Variants in NRG3 observed in about 807,000 individuals in gnomAD.
The protein encoded by NRG3 is pro-neuregulin-3, membrane-bound isoform.
NRG3 carries 31 observed loss-of-function variants against 66.9 expected under a neutral mutation model. The ratio of observed to expected loss-of-function variants is 0.46; its 90% CI spans 0.35 to 0.63. The LOEUF is 0.63. NRG3 is among the 20% of genes least tolerant of loss of function. NRG3 has a pLI of 0.00. For missense variants in NRG3, 910 were observed against 878.9 expected (o/e 1.04, Z -0.45); for synonymous variants, 393 against 359.4 (o/e 1.09, Z -1.06).
chr10:82,564,444 G>C (rs542636665), intron 2 of NRG3, among the ~76,000 whole-genome samples: 24 of 152,236 alleles, frequency 1.6e-4, no homozygotes, highest in African/African-American at 5.3e-4. Flanking sequence ...GGAAAAGAAA[G>C]CATAGAAGGT....
intron 2 of NRG3, among the ~76,000 whole-genome samples, chr10:82,722,448 C>A (rs2057369883): frequency 6.6e-6 from 1 of 152,162 alleles, no homozygotes; most frequent in Non-Finnish European, 1.5e-5. Context: ...GAATGTGCAA[C>A]ATTTATTAAA....
At chr10:82,439,639 C>T (rs976162338) in intron 2 of NRG3, among the ~76,000 whole-genome samples, 3 of 151,854 alleles carry the variant, frequency 2.0e-5, no homozygotes, top group African/African-American at 7.3e-5. Context: ...TTAGTTAAAT[C>T]ATTAAAGCAA....
intron 6 of NRG3, among the ~76,000 whole-genome samples, chr10:82,961,809 C>G (rs1471655930): frequency 6.6e-6 from 1 of 152,106 alleles, no homozygotes; most frequent in Admixed American, 6.5e-5. Context: ...GTTCCATCAC[C>G]AAGCTTCCCA....
intron 2 of NRG3, among the ~76,000 whole-genome samples, chr10:82,630,217 G>A (rs1014423698): frequency 6.6e-6 from 1 of 152,078 alleles, no homozygotes; most frequent in Non-Finnish European, 1.5e-5. Flanking sequence ...AAAATGGGAG[G>A]CGCCAAAGAG....
intron 2 of NRG3, among the ~76,000 whole-genome samples, chr10:82,598,149 TA>T (rs1169459785): frequency 1.3e-5 from 2 of 152,172 alleles, no homozygotes; most frequent in Non-Finnish European, 2.9e-5. Flanking sequence ...AGAGTTTTTT[TA>T]AAAAAATTTT....
At chr10:82,705,165 A>T (rs898859750) in intron 2 of NRG3, among the ~76,000 whole-genome samples, 2 of 152,210 alleles carry the variant, frequency 1.3e-5, no homozygotes, top group East Asian at 1.9e-4. Flanking sequence ...CAGGTTCTGT[A>T]ATATTTGAAT....
chr10:82,892,687 A>C (rs1051981061), intron 4 of NRG3, among the ~76,000 whole-genome samples: 18 of 151,400 alleles, frequency 1.2e-4, no homozygotes, highest in South Asian at 2.1e-4. Flanking sequence ...AAATAAATAA[A>C]TAAATAAATA....
At chr10:82,613,768 C>T (rs936835036) in intron 2 of NRG3, among the ~76,000 whole-genome samples, 5 of 151,032 alleles carry the variant, frequency 3.3e-5, no homozygotes, top group South Asian at 4.2e-4. Context: ...ACATGTGCCA[C>T]GCTGGTGTGC....
At chr10:82,102,495 A>G (rs1224510444) in intron 1 of NRG3, among the ~76,000 whole-genome samples, 2 of 150,806 alleles carry the variant, frequency 1.3e-5, no homozygotes, top group East Asian at 1.9e-4. Flanking sequence ...TAGCTTTTTT[A>G]TTAGTTAGAT....
intron 1 of NRG3, among the ~76,000 whole-genome samples, chr10:81,893,758 C>T (rs1432627120): frequency 6.6e-6 from 1 of 152,116 alleles, no homozygotes; most frequent in Middle Eastern, 3.2e-3. Context: ...AGGCAGAGTT[C>T]ATGGTGGAGG....
chr10:82,501,667 A>G (rs1265182596), intron 2 of NRG3, among the ~76,000 whole-genome samples: 1 of 152,054 alleles, frequency 6.6e-6, no homozygotes, highest in Non-Finnish European at 1.5e-5. Context: ...AGAAAGTACC[A>G]TGTCTTTCTC....
intron 1 of NRG3, among the ~76,000 whole-genome samples, chr10:82,166,315 G>A (rs1464261451): frequency 1.3e-5 from 2 of 152,230 alleles, no homozygotes; most frequent in East Asian, 1.9e-4. Context: ...CACCAGGTCC[G>A]GCCTGATTGA....
In NRG3 at chr10:82,427,727, A is replaced by C. The variant is rs992007792; in HGVS notation, c.953+68859A>C. Among the ~76,000 whole-genome samples the C allele has an allele frequency of 4.9e-4, 75 of 152,168 alleles. 1 individual carries two copies. The highest frequency in any genetic ancestry group is 2.6e-3 in the Admixed American group (40 of 15,276). On this transcript the variant is annotated intron_variant, in intron 2 of 8. Transcript: ENST00000372141. ...TCAGAATAACACTGGTCTCACTTTG[A>C]GTCAATAAGTGATTCTTCCTCTTCC...
At chr10:82,718,966 A>G (rs1177496566) in intron 2 of NRG3, among the ~76,000 whole-genome samples, 2 of 152,220 alleles carry the variant, frequency 1.3e-5, no homozygotes, top group Non-Finnish European at 2.9e-5. Context: ...TTCTTTATTT[A>G]AAACCAAGGC....
chr10:82,127,264 A>G (rs1274272821), intron 1 of NRG3, among the ~76,000 whole-genome samples: 1 of 152,066 alleles, frequency 6.6e-6, no homozygotes, highest in African/African-American at 2.4e-5. Flanking sequence ...AGAGGAATAG[A>G]CCCTGCCTAT....
intron 1 of NRG3, among the ~76,000 whole-genome samples, chr10:82,214,632 A>T (rs2075571699): frequency 6.6e-6 from 1 of 151,778 alleles, no homozygotes; most frequent in Non-Finnish European, 1.5e-5. Context: ...CTGGCTAATT[A>T]AAAAAAATTT....
At chr10:82,572,307 T>C (rs1389886177) in intron 2 of NRG3, among the ~76,000 whole-genome samples, 1 of 151,654 alleles carries the variant, frequency 6.6e-6, no homozygotes, top group Non-Finnish European at 1.5e-5. Context: ...AAGTTCTTGG[T>C]ATTTAGGATT....
intron 3 of NRG3, among the ~76,000 whole-genome samples, chr10:82,785,600 T>G (rs2060325261): frequency 6.6e-6 from 1 of 152,180 alleles, no homozygotes; most frequent in Non-Finnish European, 1.5e-5. Context: ...GAATTATGTC[T>G]GTGTCCTTGG....
At chr10:82,830,876 A>C (rs1232155709) in intron 3 of NRG3, among the ~76,000 whole-genome samples, 2 of 152,144 alleles carry the variant, frequency 1.3e-5, no homozygotes, top group Non-Finnish European at 1.5e-5. Context: ...TCAAGGAAAA[A>C]ATTTATTATA....
Sources: allele counts gnomAD v4.1 joint callset (sites outside exome capture counted in the v4.1 genomes callset), GRCh38; gene constraint gnomAD v4.1.1; transcripts MANE v1.5; gene names NCBI Gene and HGNC (gene_info 2026-07-23, HGNC 2026-07-21).